The following SCHIP1 variants were observed in gnomAD, a reference collection of about 807,000 sequenced individuals.
SCHIP1 encodes schwannomin interacting protein 1, also known as schwannomin-interacting protein 1.
SCHIP1 carries 8 observed loss-of-function variants against 29.7 expected under a neutral mutation model. The ratio of observed to expected loss-of-function variants is 0.27; its 90% confidence interval spans 0.16 to 0.49. The LOEUF (loss-of-function observed/expected upper bound fraction) is 0.49, where lower values mean the gene tolerates loss of function less well. SCHIP1 is among the 20% of genes least tolerant of loss of function. SCHIP1 has a pLI of 0.99. For synonymous variants in SCHIP1, 76 were observed against 94.9 expected (o/e 0.80, Z 1.16); for missense variants, 193 against 294.6 (o/e 0.66, Z 2.52).
chr3:159,844,684 G>A (rs760928814), intron 1 of SCHIP1, among the ~76,000 whole-genome samples: 8 of 152,214 alleles, frequency 5.3e-5, no homozygotes, highest in Non-Finnish European at 1.2e-4. Context: ...AAACTTGAAA[G>A]CACAAGTTTA....
chr3:159,497,360 A>C, the SCHIP1 span, among the ~76,000 whole-genome samples: 1 of 152,078 alleles, frequency 6.6e-6, no homozygotes, highest in Non-Finnish European at 1.5e-5. Context: ...ATGTTCTATC[A>C]CATGTTCTTC....
the SCHIP1 span, among the ~76,000 whole-genome samples, chr3:159,478,972 T>A: frequency 4.6e-5 from 7 of 152,110 alleles, no homozygotes; most frequent in African/African-American, 1.7e-4. Flanking sequence ...GTCTTTAGGG[T>A]TTTCTCTATA....
chr3:159,602,717 A>C, the SCHIP1 span, among the ~76,000 whole-genome samples: 1 of 137,428 alleles, frequency 7.3e-6, no homozygotes, highest in African/African-American at 3.7e-5. Flanking sequence ...TCAAAAAAAA[A>C]AAAGAAAGAA....
At chr3:159,818,294 T>C in the SCHIP1 span, among the ~76,000 whole-genome samples, 1 of 152,204 alleles carries the variant, frequency 6.6e-6, no homozygotes, top group Admixed American at 6.5e-5. Flanking sequence ...TGAAAAGCTG[T>C]AAACAAATAG....
the SCHIP1 span, among the ~76,000 whole-genome samples, chr3:159,813,701 G>A: frequency 6.6e-6 from 1 of 151,720 alleles, no homozygotes; most frequent in East Asian, 1.9e-4. Context: ...AAAAAAAGAA[G>A]AAGAAGAAGT....
chr3:159,870,046 C>G (rs1715087333), intron 2 of SCHIP1, among the ~76,000 whole-genome samples: 1 of 151,914 alleles, frequency 6.6e-6, no homozygotes, highest in South Asian at 2.1e-4. Context: ...ATGCAATTAA[C>G]TTTGTATACT....
At chr3:159,511,587 T>A in the SCHIP1 span, among the ~76,000 whole-genome samples, 2 of 152,108 alleles carry the variant, frequency 1.3e-5, no homozygotes, top group African/African-American at 4.8e-5. Context: ...ACTGGAGCTG[T>A]TCCTATTCGG....
At chr3:159,680,401 C>T in the SCHIP1 span, among the ~76,000 whole-genome samples, 2 of 147,246 alleles carry the variant, frequency 1.4e-5, no homozygotes, top group Non-Finnish European at 3.0e-5. Flanking sequence ...CCCAGCTACT[C>T]GAGAGGCTGA....
At chr3:159,836,304 T>G (rs1743655506), upstream of SCHIP1, among the ~76,000 whole-genome samples, 1 of 152,230 alleles carries the variant, frequency 6.6e-6, no homozygotes, top group Non-Finnish European at 1.5e-5. Context: ...ATCTTCTTAC[T>G]GTGTCTTCAC....
the SCHIP1 span, among the ~76,000 whole-genome samples, chr3:159,552,850 C>G: frequency 5.3e-5 from 8 of 152,186 alleles, no homozygotes; most frequent in African/African-American, 1.2e-4. Flanking sequence ...TATTACCTGA[C>G]AAGCTTGCTC....
At chr3:159,841,715 A>T (rs545107847) in intron 1 of SCHIP1, among the ~76,000 whole-genome samples, 66 of 152,326 alleles carry the variant, frequency 4.3e-4, no homozygotes, top group Non-Finnish European at 7.6e-4. Context: ...TTATATTAGC[A>T]TTCTACTTCT....
the SCHIP1 span, among the ~76,000 whole-genome samples, chr3:159,791,527 G>A: frequency 6.6e-6 from 1 of 152,312 alleles, no homozygotes; most frequent in Middle Eastern, 3.4e-3. Flanking sequence ...CACAGCAGGG[G>A]TGCCCAAGGG....
the SCHIP1 span, among the ~76,000 whole-genome samples, chr3:159,434,021 G>C: frequency 6.6e-6 from 1 of 152,092 alleles, no homozygotes; most frequent in Non-Finnish European, 1.5e-5. Context: ...TCCTCCACTT[G>C]AACTGCAATT....
chr3:159,420,875 A>G, the SCHIP1 span, among the ~76,000 whole-genome samples: 1 of 152,228 alleles, frequency 6.6e-6, no homozygotes, highest in Non-Finnish European at 1.5e-5. Flanking sequence ...ATGAGCCAGT[A>G]TTATCCTGGC....
the SCHIP1 span, chr3:159,764,012 G>A: frequency 6.5e-6 from 1 of 154,688 alleles, no homozygotes; most frequent in South Asian, 2.0e-4. This position sits in a 1 kb window ranked among gnomAD's most constrained non-coding sequence, Gnocchi z 6.1. Flanking sequence ...AGAGCGAGAT[G>A]CGAAATTAGT....
chr3:159,879,016 T>C (rs1226258963), intron 2 of SCHIP1, among the ~76,000 whole-genome samples: 9 of 151,234 alleles, frequency 6.0e-5, no homozygotes, highest in Non-Finnish European at 1.3e-4. Flanking sequence ...ATAGGTACTG[T>C]TTTTAGCCTT....
chr3:159,804,199 T>A, the SCHIP1 span, among the ~76,000 whole-genome samples: 1 of 152,114 alleles, frequency 6.6e-6, no homozygotes, highest in South Asian at 2.1e-4. Context: ...CTATAGGAAA[T>A]CCCACTCTTT....
chr3:159,715,571 C>T, the SCHIP1 span, among the ~76,000 whole-genome samples: 1 of 152,158 alleles, frequency 6.6e-6, no homozygotes, highest in Non-Finnish European at 1.5e-5. Flanking sequence ...CCTGATGGAG[C>T]TGAAAACCAT....
the SCHIP1 span, among the ~76,000 whole-genome samples, chr3:159,454,403 A>T: frequency 6.6e-6 from 1 of 152,254 alleles, no homozygotes; most frequent in East Asian, 1.9e-4. Context: ...TCTACAACAA[A>T]GGCAAGTCCT....
Sources: allele counts gnomAD v4.1 joint callset (sites outside exome capture counted in the v4.1 genomes callset), GRCh38; gene constraint gnomAD v4.1.1; non-coding constraint Gnocchi (gnomAD v3.1); transcripts MANE v1.5; gene names NCBI Gene and HGNC (gene_info 2026-07-23, HGNC 2026-07-21).